The following DLGAP2 variants were observed in gnomAD, a reference collection of about 807,000 sequenced individuals.
DLGAP2 encodes the protein disks large-associated protein 2.
In DLGAP2, 26 loss-of-function variants were observed where a neutral mutation model predicts 100.3. The ratio of observed to expected loss-of-function variants is 0.26; its 90% CI spans 0.19 to 0.36. The LOEUF is 0.36. Among genes scored for constraint, DLGAP2 ranks in the 10% least tolerant of loss-of-function variants. The probability of loss-of-function intolerance (pLI) is 1.00; values close to 1 mark genes in which losing one functional copy is unlikely to be tolerated. For missense variants in DLGAP2, 1,858 were observed against 1,453.2 expected (o/e 1.28, Z -4.53); for synonymous variants, 886 against 630.1 (o/e 1.41, Z -6.08).
chr8:1,234,059 C>G (rs565068397), intron 2 of DLGAP2, among the ~76,000 whole-genome samples: 1 of 152,292 alleles, frequency 6.6e-6, no homozygotes, highest in African/African-American at 2.4e-5. Context: ...GAATACCTAA[C>G]ATTTTTAAAG....
At chr8:1,235,268 C>G (rs1399378897) in intron 2 of DLGAP2, among the ~76,000 whole-genome samples, 1 of 149,138 alleles carries the variant, frequency 6.7e-6, no homozygotes, top group Non-Finnish European at 1.5e-5. Flanking sequence ...GTCTAGTTCT[C>G]TCTCACATGG....
At chr8:787,390 C>T (rs916467915) in intron 1 of DLGAP2, among the ~76,000 whole-genome samples, 2 of 152,194 alleles carry the variant, frequency 1.3e-5, no homozygotes, top group African/African-American at 4.8e-5. Context: ...CGTTGCAAGC[C>T]GAGGAAGGGT....
chr8:1,140,566 T>C (rs937700762), intron 2 of DLGAP2, among the ~76,000 whole-genome samples: 2 of 152,034 alleles, frequency 1.3e-5, no homozygotes, highest in African/African-American at 4.8e-5. Flanking sequence ...AGCTGACTTA[T>C]CAGAGGCCCC....
chr8:942,545 T>C (rs1584909156), intron 2 of DLGAP2, among the ~76,000 whole-genome samples: 1 of 152,370 alleles, frequency 6.6e-6, no homozygotes, highest in African/African-American at 2.4e-5. Flanking sequence ...ACTCCATAGA[T>C]GACTTTTACC....
At chr8:1,630,453 A>T (rs1054748120) in intron 7 of DLGAP2, among the ~76,000 whole-genome samples, 1 of 152,132 alleles carries the variant, frequency 6.6e-6, no homozygotes, top group Non-Finnish European at 1.5e-5. Flanking sequence ...CTGTAATCCC[A>T]GCACTTTGGG....
At chr8:1,358,298 G>A (rs17063858) in intron 3 of DLGAP2, among the ~76,000 whole-genome samples, 12,299 of 152,166 alleles carry the variant, frequency 0.081, 719 homozygotes, top group Middle Eastern at 0.16. Context: ...CTTCATTTCC[G>A]ATCAGCAGCT....
intron 1 of DLGAP2, among the ~76,000 whole-genome samples, chr8:841,667 G>C (rs1267255809): frequency 6.6e-6 from 1 of 152,036 alleles, no homozygotes; most frequent in African/African-American, 2.4e-5. Context: ...CTGCAGCCTT[G>C]AACTCCTGGG....
chr8:865,658 C>T (rs561070211), intron 1 of DLGAP2, among the ~76,000 whole-genome samples: 5 of 152,156 alleles, frequency 3.3e-5, no homozygotes, highest in Non-Finnish European at 7.4e-5. Context: ...TAGCTAAATC[C>T]GGTTTTAAGG....
intron 3 of DLGAP2, among the ~76,000 whole-genome samples, chr8:1,347,154 G>C (rs1023664859): frequency 3.3e-5 from 5 of 151,984 alleles, no homozygotes; most frequent in African/African-American, 1.2e-4. Context: ...CTGTGTGGAG[G>C]TTGCGTTCCT....
rs180896688 is a variant in DLGAP2 at position 1,462,822 on chromosome 8, C to T, written c.107-38544C>T. 9.8e-5 allele frequency among the ~76,000 whole-genome samples: 15 copies of T among 152,344 alleles called. No homozygotes were observed. The East Asian group carries it at 1.7e-3, about 18-fold the overall frequency. ...ATACAGCAGCCCTCAGGCCCCCACACGGCGGCGGCTTCTGATTTCTAGGAT... is the reference window on the plus strand; with the variant it reads ...ATACAGCAGCCCTCAGGCCCCCACATGGCGGCGGCTTCTGATTTCTAGGAT... On this transcript the variant is annotated intron_variant, in intron 3 of 14. Coordinates refer to ENST00000637795, the MANE Select transcript of DLGAP2 (RefSeq NM_001346810.2).
intron 3 of DLGAP2, among the ~76,000 whole-genome samples, chr8:1,350,432 T>C (rs1801689292): frequency 1.1e-5 from 1 of 88,960 alleles, no homozygotes; most frequent in South Asian, 5.6e-4. Context: ...GCCGCGCGGG[T>C]CCTGAGTGTG....
chr8:791,975 A>T (rs1332216290), intron 1 of DLGAP2, among the ~76,000 whole-genome samples: 1 of 152,204 alleles, frequency 6.6e-6, no homozygotes, highest in Non-Finnish European at 1.5e-5. Context: ...ATCACGGTGC[A>T]GCTGTCACTG....
At chr8:1,308,487 A>T (rs976571900) in intron 3 of DLGAP2, among the ~76,000 whole-genome samples, 1 of 152,206 alleles carries the variant, frequency 6.6e-6, no homozygotes, top group Non-Finnish European at 1.5e-5. Flanking sequence ...AAAAAACAGG[A>T]AAGTATGGTC....
At chr8:1,541,939 G>A (rs1801375131) in intron 4 of DLGAP2, among the ~76,000 whole-genome samples, 1 of 152,238 alleles carries the variant, frequency 6.6e-6, no homozygotes, top group Admixed American at 6.5e-5. Flanking sequence ...GCAAAGAAAA[G>A]AGATGTATAT....
intron 3 of DLGAP2, among the ~76,000 whole-genome samples, chr8:1,261,156 C>T (rs1799340281): frequency 6.6e-6 from 1 of 151,840 alleles, no homozygotes; most frequent in South Asian, 2.1e-4. Context: ...GGTCAGCTTC[C>T]AGATCTTTAA....
intron 7 of DLGAP2, among the ~76,000 whole-genome samples, chr8:1,628,732 G>A (rs1298849510): frequency 2.0e-5 from 3 of 151,432 alleles, no homozygotes; most frequent in Admixed American, 6.6e-5. Context: ...AAGAGCCTGA[G>A]CTGACCTCAC....
chr8:1,618,996 G>T (rs1174652461), intron 6 of DLGAP2, among the ~76,000 whole-genome samples: 1 of 152,180 alleles, frequency 6.6e-6, no homozygotes, highest in Non-Finnish European at 1.5e-5. Context: ...ATAGATCCGT[G>T]TGACAGAATA....
At chr8:922,024 C>T (rs1015987537) in intron 2 of DLGAP2, among the ~76,000 whole-genome samples, 2 of 152,240 alleles carry the variant, frequency 1.3e-5, no homozygotes, top group Non-Finnish European at 2.9e-5. Flanking sequence ...GTGTGGCATG[C>T]TGGCCCGGGT....
intron 3 of DLGAP2, among the ~76,000 whole-genome samples, chr8:1,487,587 G>A (rs911572664): frequency 1.3e-5 from 2 of 152,198 alleles, no homozygotes; most frequent in African/African-American, 4.8e-5. Flanking sequence ...GCCCTGTGAG[G>A]TTGTCCGTCT....
Sources: gnomAD v4.1 joint callset for allele counts (sites outside exome capture counted in the v4.1 genomes callset) on GRCh38, gnomAD v4.1.1 for gene constraint, MANE v1.5 for transcripts, NCBI Gene and HGNC (gene_info 2026-07-23, HGNC 2026-07-21) for gene names.